The following TRIM29 variants were observed in gnomAD, a reference collection of about 807,000 sequenced individuals.
TRIM29 encodes the protein tripartite motif containing 29, also known as tripartite motif-containing protein 29.
TRIM29 carries 52 observed loss-of-function variants against 57.3 expected under a neutral mutation model. That is an observed-to-expected ratio of 0.91 (90% CI 0.73 to 1.14). The LOEUF (loss-of-function observed/expected upper bound fraction) is 1.14. Among genes scored for constraint, TRIM29 ranks in the 50% most tolerant of loss-of-function variants. The pLI is 0.00. For synonymous variants in TRIM29, 319 were observed against 316.9 expected (o/e 1.01, Z -0.07); for missense variants, 753 against 774.6 (o/e 0.97, Z 0.33).
chr11:120,116,889 G>A (rs952108344), intron 7 of TRIM29: 1 of 343,324 alleles, frequency 2.9e-6, no homozygotes, highest in Non-Finnish European at 5.8e-6. Context: ...AGAAGTGGCA[G>A]AGAGCCCCCC....
intron 7 of TRIM29, chr11:120,116,589 C>A (rs769976298): frequency 1.3e-5 from 2 of 154,116 alleles, no homozygotes; most frequent in Admixed American, 1.3e-4. Context: ...AGCAAAGAAC[C>A]TGGGTCTCTT....
In TRIM29 at chr11:120,118,291, G is replaced by A; in HGVS notation, c.1559C>T (p.Ser520Phe). 1 of 1,613,896 alleles carries A rather than the reference G, an allele frequency of 6.2e-7. No individual in the cohort carries two copies. Among genetic ancestry groups the A allele is most frequent in the Non-Finnish European group, 8.5e-7 (1 of 1,179,896 alleles). The part of the protein sequence containing the change: ...GNYTSRVWEY[S>F]SSIQNSDNDL... The stretch of plus-strand genomic sequence containing the variant: ...ATTGTCAGAGTTCTGAATGCTGGAG[G>A]AGTACTCCCAGACCCGGGAGGTGTA... The change falls in exon 7 of 9, where the codon TCC (serine) becomes TTC (phenylalanine). Residue 520 changes from serine to phenylalanine, a missense_variant. By Grantham distance (155) the Ser-to-Phe change is radical. Transcript: ENST00000341846.
At position 120,138,052 on chromosome 11, in the gene TRIM29, T is replaced by G; in HGVS notation, c.-21A>C. ...TCCATCGCAGGGTGCTTGGCTGAGC[T>G]GTTTCAGGCTTGCTGGGGTTCAGGA... On this transcript the variant is annotated 5_prime_UTR_variant, in exon 1 of 9. Coordinates refer to ENST00000341846, the MANE Select transcript of TRIM29 (RefSeq NM_012101.4). 1.9e-6 allele frequency: 3 copies of G among 1,569,462 alleles called. No individual in the cohort carries two copies. Among genetic ancestry groups the G allele is most frequent in the Non-Finnish European group, 2.6e-6 (3 of 1,164,292 alleles).
chr11:120,133,955 C>A (rs1863767112), intron 1 of TRIM29, among the ~76,000 whole-genome samples: 1 of 152,158 alleles, frequency 6.6e-6, no homozygotes, highest in South Asian at 2.1e-4. Context: ...GCAGGGCCCC[C>A]CAAGAGCAGC....
Position 120,112,455 on chromosome 11 carries a change from C to A in TRIM29, c.1726G>T (p.Val576Phe), listed in dbSNP as rs751907162. The A allele has an allele frequency of 1.5e-5, 25 of 1,612,978 alleles. 1 individual carries two copies. The African/African-American group carries it at 1.9e-4, about 12-fold the overall frequency. The change falls in exon 9 of 9, where the codon GTC becomes TTC. Residue 576 changes from valine to phenylalanine, a missense_variant. Val to Phe is a conservative substitution (Grantham distance 50). Transcript: ENST00000341846. ...TMLSHYRPFY[V>F]NKGNGIGSNE... Reference sequence around the variant, plus strand: ...GACCCAATCCCGTTGCCTTTGTTGACGTAGAATGGCCGGTAGTGAGACTGT... The same window carrying A: ...GACCCAATCCCGTTGCCTTTGTTGAAGTAGAATGGCCGGTAGTGAGACTGT...
At position 120,137,435 on chromosome 11, in the gene TRIM29, G is replaced by T. The variant is rs775198172; in HGVS notation, c.597C>A (p.Leu199=). 2.5e-6 allele frequency: 4 copies of T among 1,608,248 alleles called. No homozygotes were observed. The Admixed American group carries it at 6.7e-5, about 27-fold the overall frequency. ...AGGCGGCGCCCTCCAGGTGGGGCTT[G>T]AGATGCAGCTCGCAGAAGGAGGCCT... ...VCQASFCELH[L]KPHLEGAAFR... Residue 199 remains leucine, a synonymous_variant, in exon 1 of 9, where the codon CTC becomes CTA. Transcript: ENST00000341846. This position sits in a 1 kb window ranked among gnomAD's most constrained non-coding sequence, Gnocchi z 6.2.
chr11:120,114,418 C>G (rs894994598), intron 8 of TRIM29, among the ~76,000 whole-genome samples: 1 of 152,212 alleles, frequency 6.6e-6, no homozygotes, highest in Non-Finnish European at 1.5e-5. Flanking sequence ...ATTAAACCAA[C>G]CCCAGCCATT....
At chr11:120,121,278 C>T (rs948983067) in intron 5 of TRIM29, 5 of 202,812 alleles carry the variant, frequency 2.5e-5, no homozygotes, top group South Asian at 9.2e-5. Flanking sequence ...CTCTGCCCTT[C>T]GCAGTCATGC....
At chr11:120,136,467 C>T (rs551801621) in intron 1 of TRIM29, among the ~76,000 whole-genome samples, 40 of 152,324 alleles carry the variant, frequency 2.6e-4, no homozygotes, top group African/African-American at 9.1e-4. Flanking sequence ...TAGCTGTACA[C>T]GTACACGCCA....
In TRIM29 at chr11:120,127,685, C is replaced by T. The variant is rs761241593; in HGVS notation, c.901-116G>A. 20 of 904,708 alleles carry T rather than the reference C, an allele frequency of 2.2e-5. No homozygotes were observed. In the African/African-American group the frequency reaches 3.4e-4, roughly 15 times the overall value. The allele number at this position is 904,708 out of a possible 1,614,324, so 56.0% of individuals were successfully genotyped here. A position where few individuals can be genotyped will look rare whatever the true frequency, so the allele number is the denominator to read the frequency against. On this transcript the variant is annotated intron_variant, in intron 2 of 8. Coordinates refer to ENST00000341846, the MANE Select transcript of TRIM29 (RefSeq NM_012101.4). ...CAGGATCAGGGCATTCCCACTGCCC[C>T]AACCTGGCAAGCCTATTTGGCCAAG...
intron 1 of TRIM29, among the ~76,000 whole-genome samples, chr11:120,136,585 A>T (rs909298374): frequency 2.0e-5 from 3 of 152,144 alleles, no homozygotes; most frequent in African/African-American, 7.2e-5. Flanking sequence ...AGAAGGATAA[A>T]GGAGGCTGTG....
chr11:120,133,343 TGTAA>T (rs1863753884), intron 1 of TRIM29, among the ~76,000 whole-genome samples: 1 of 152,206 alleles, frequency 6.6e-6, no homozygotes, highest in African/African-American at 2.4e-5. Flanking sequence ...CTGTAACTTG[TGTAA>T]GTCTCTTGAC....
At position 120,112,395 on chromosome 11, in the gene TRIM29, C is replaced by G. The variant is rs751754730; in HGVS notation, c.*19G>C. On this transcript the variant is annotated 3_prime_UTR_variant, in exon 9 of 9. Coordinates refer to ENST00000341846, the MANE Select transcript of TRIM29 (RefSeq NM_012101.4). Reference sequence around the variant, plus strand: ...GAGGAAGAGCAGGGGTGTGGCGCCTCGTTCCTTCCGCCAGGAGCTCATGGG... The same window carrying G: ...GAGGAAGAGCAGGGGTGTGGCGCCTGGTTCCTTCCGCCAGGAGCTCATGGG... 6.2e-7 allele frequency: 1 copy of G among 1,613,200 alleles called. No individual in the cohort carries two copies. The highest frequency in any genetic ancestry group is 1.1e-5 in the South Asian group (1 of 91,030).
At chr11:120,122,675 G>A (rs774328563) in intron 5 of TRIM29, among the ~76,000 whole-genome samples, 8 of 152,226 alleles carry the variant, frequency 5.3e-5, no homozygotes, top group Non-Finnish European at 1.0e-4. Flanking sequence ...GAGAAGGCAA[G>A]GAGGGCAAAG....
chr11:120,127,367 T>C lies in TRIM29; in HGVS notation c.1103A>G (p.His368Arg). The C allele has an allele frequency of 1.2e-6, 2 of 1,614,120 alleles. No homozygotes were observed. Among genetic ancestry groups the C allele is most frequent in the Non-Finnish European group, 1.7e-6 (2 of 1,180,014 alleles). The change falls in exon 3 of 9, where the codon CAT becomes CGT. Residue 368 changes from histidine (H) to arginine (R), a missense_variant. Coordinates refer to ENST00000341846, the MANE Select transcript of TRIM29 (RefSeq NM_012101.4). ...AAACAACACAGAGTCGCTGATGCTA[T>C]GCAGCTGCTCCCGGGTCTGCTTGTC... is the stretch of plus-strand genomic sequence containing the variant. ...HEDKQTREQL[H>R]SISDSVLFLQ...
intron 2 of TRIM29, 66 bp from the exon 3 acceptor site, chr11:120,127,635 C>G: frequency 6.9e-7 from 1 of 1,446,352 alleles, no homozygotes; most frequent in Non-Finnish European, 9.5e-7. Flanking sequence ...TCACCCTAGT[C>G]GGGTATGTCT....
At position 120,137,123 on chromosome 11, in the gene TRIM29, A is replaced by T. The variant is rs998814905; in HGVS notation, c.804+105T>A. ...TCTAAAAGAGCCAAGGACAGTAGAA[A>T]CTTAAGCCCCAAACCCGAGGAAGCC... On this transcript the variant is annotated intron_variant, in intron 1 of 8. Transcript: ENST00000341846. The surrounding 1 kb of genome is among the most constrained non-coding windows in gnomAD (Gnocchi z 6.2). The T allele has an allele frequency of 3.9e-6, 5 of 1,267,596 alleles. No homozygotes were observed. Among genetic ancestry groups the T allele is most frequent in the Non-Finnish European group, 4.4e-6 (4 of 912,036 alleles). 78.5% of individuals were successfully genotyped at this position (1,267,596 alleles called of 1,614,324 possible).
intron 4 of TRIM29, 73 bp downstream of exon 4, chr11:120,125,618 T>C (rs1166679697): frequency 1.5e-5 from 23 of 1,543,320 alleles, no homozygotes; most frequent in African/African-American, 4.1e-5. Context: ...GGCCAGCCCA[T>C]GTCAGGCAGC....
chr11:120,128,300 C>A, intron 2 of TRIM29, 100 bp downstream of exon 2: 1 of 940,834 alleles, frequency 1.1e-6, no homozygotes, highest in Non-Finnish European at 1.6e-6. Context: ...ATTGGGATGT[C>A]TACGTGGGCC....
Sources: allele counts gnomAD v4.1 joint callset (sites outside exome capture counted in the v4.1 genomes callset), GRCh38; gene constraint gnomAD v4.1.1; non-coding constraint Gnocchi (gnomAD v3.1); transcripts MANE v1.5; gene names NCBI Gene and HGNC (gene_info 2026-07-23, HGNC 2026-07-21).